The following MADD variants were observed in gnomAD, a reference collection of about 807,000 sequenced individuals.
MADD encodes MAP kinase activating death domain, also known as MAP kinase-activating death domain protein.
Under a neutral mutation model 176.7 loss-of-function variants are expected in MADD, and 109 were observed. The ratio of observed to expected loss-of-function variants is 0.62; its 90% CI spans 0.53 to 0.72. The LOEUF is 0.72. MADD is among the 30% of genes least tolerant of loss of function. The probability of loss-of-function intolerance (pLI) is 0.00; values close to 1 mark genes in which losing one functional copy is unlikely to be tolerated. For synonymous variants in MADD, 771 were observed against 771.3 expected, an observed-to-expected ratio of 1.00 and a Z score of 0.01; for missense variants, 1,914 against 2,045.5, an observed-to-expected ratio of 0.94 and a Z score of 1.24.
intron 23 of MADD, 51 bp downstream of exon 26, chr11:47,309,093 C>A: frequency 6.3e-7 from 1 of 1,579,632 alleles, no homozygotes; most frequent in Non-Finnish European, 8.7e-7. Flanking sequence ...TTGGGAGGGA[C>A]TGGGCCTTAC....
intron 27 of MADD, among the ~76,000 whole-genome samples, chr11:47,316,275 A>G (rs545927009): frequency 6.6e-6 from 1 of 151,892 alleles, no homozygotes; most frequent in African/African-American, 2.4e-5. Context: ...TCTTGCACTC[A>G]TTCTTGTCCC....
chr11:47,321,962 C>T (rs1375820735), intron 27 of MADD, among the ~76,000 whole-genome samples: 1 of 151,782 alleles, frequency 6.6e-6, no homozygotes, highest in African/African-American at 2.4e-5. Flanking sequence ...AGCTCAGGAG[C>T]TCAGGAAGAG....
At chr11:47,296,762 T>TTG (rs1363735568) in intron 22 of MADD, among the ~76,000 whole-genome samples, 1 of 134,460 alleles carries the variant, frequency 7.4e-6, no homozygotes, top group East Asian at 2.4e-4. Flanking sequence ...CTGTTTTTTG[T>TTG]TGTTTTTTTT....
At chr11:47,283,988 A>G (rs1278970969) in intron 10 of MADD, among the ~76,000 whole-genome samples, 190 bp from the exon 11 acceptor site, 2 of 152,268 alleles carry the variant, frequency 1.3e-5, no homozygotes, top group Non-Finnish European at 1.5e-5. Flanking sequence ...GATTACAGGC[A>G]TGGGCCACTG....
rs754306401 is a variant in MADD, at chr11:47,327,780, G to A, written c.4613-878G>A. On this transcript the variant is annotated intron_variant, in intron 31 of 32. Transcript: ENST00000402192. ...ACCTCCCAGGGTCAGAAGAAGGTAC[G>A]GCCAATTCTCCTCCTGCCTTTTCTG... 1.0e-5 allele frequency: 10 copies of A among 985,296 alleles called. No homozygotes were observed. In the Admixed American group the frequency reaches 1.8e-4, roughly 18 times the overall value. 61.0% of individuals were successfully genotyped at this position (985,296 alleles called of 1,614,324 possible).
intron 22 of MADD, among the ~76,000 whole-genome samples, chr11:47,298,135 C>T (rs950207491): frequency 5.9e-5 from 9 of 152,148 alleles, no homozygotes; most frequent in South Asian, 2.1e-4. Context: ...AACCATGGAT[C>T]GTAAAAATTA....
At chr11:47,295,505 C>G (rs776946241) in exon 21 of MADD, 8 of 1,613,840 alleles carry the variant, frequency 5.0e-6, no homozygotes, top group Non-Finnish European at 6.8e-6. Context: ...GAGGACTGAT[C>G]AAGACTCTGT....
At chr11:47,309,539 G>C in exon 25 of MADD, 1 of 1,614,206 alleles carries the variant, frequency 6.2e-7, no homozygotes, top group Non-Finnish European at 8.5e-7. Flanking sequence ...GACCGGAAGC[G>C]CCTGGAAGAT....
At chr11:47,275,303 T>G in intron 3 of MADD, 144 bp downstream of exon 3, 1 of 803,248 alleles carries the variant, frequency 1.2e-6, no homozygotes, top group South Asian at 1.7e-5. Context: ...GTTAATCTTT[T>G]TTCTTTTGGA....
chr11:47,302,492 G>T (rs191184584), intron 22 of MADD, among the ~76,000 whole-genome samples: 1 of 152,218 alleles, frequency 6.6e-6, no homozygotes, highest in East Asian at 1.9e-4. Context: ...GATTACAGGC[G>T]TGAGCCACCG....
exon 15 of MADD, chr11:47,286,474 A>G (rs2060728683): frequency 1.9e-6 from 3 of 1,613,982 alleles, no homozygotes; most frequent in East Asian, 4.5e-5. Context: ...CAGTCTTTCA[A>G]ACCTCACACT....
chr11:47,287,121 C>G (rs1350476352), intron 15 of MADD, among the ~76,000 whole-genome samples: 1 of 152,142 alleles, frequency 6.6e-6, no homozygotes, highest in African/African-American at 2.4e-5. Flanking sequence ...GTCAGGAGTT[C>G]GAGACCAGAC....
chr11:47,295,811 T>C, intron 21 of MADD, 86 bp from the exon 24 acceptor site: 1 of 1,534,268 alleles, frequency 6.5e-7, no homozygotes, highest in Non-Finnish European at 8.7e-7. Context: ...TTAATACTTT[T>C]TTATGGTGGC....
intron 22 of MADD, among the ~76,000 whole-genome samples, chr11:47,299,838 A>G (rs1000065232): frequency 6.6e-6 from 1 of 152,080 alleles, no homozygotes; most frequent in African/African-American, 2.4e-5. Context: ...GCCTAATTTT[A>G]GGGACAGTTT....
intron 27 of MADD, among the ~76,000 whole-genome samples, chr11:47,316,143 T>C (rs995597933): frequency 6.8e-6 from 1 of 148,018 alleles, no homozygotes; most frequent in Non-Finnish European, 1.5e-5. Context: ...GCCCCATTTC[T>C]TTTATACACG....
intron 19 of MADD, among the ~76,000 whole-genome samples, chr11:47,291,056 C>T (rs1330957042): frequency 6.6e-6 from 1 of 152,036 alleles, no homozygotes; most frequent in Non-Finnish European, 1.5e-5. Context: ...TTAGAGGGCC[C>T]AATGAGGCTT....
At chr11:47,281,844 G>C (rs1456375695) in intron 8 of MADD, 91 bp downstream of exon 8, 1 of 337,700 alleles carries the variant, frequency 3.0e-6, no homozygotes, top group Non-Finnish European at 4.0e-6. Context: ...CTCTGAACCA[G>C]GGTTCCTTTT....
At chr11:47,295,361 CAA>C in intron 20 of MADD, 133 bp from the exon 23 acceptor site, 1 of 664,006 alleles carries the variant, frequency 1.5e-6, no homozygotes, top group East Asian at 2.8e-5. Flanking sequence ...ATTCTGGAAA[CAA>C]AAGTTGCTCG....
At position 47,327,069 on chromosome 11, in the gene MADD, G is replaced by A. The variant is rs1224627129; in HGVS notation, c.4612+262G>A. On this transcript the variant is annotated intron_variant, in intron 31 of 32. Transcript: ENST00000402192. The stretch of plus-strand genomic sequence containing the variant: ...GGTGGTCCTGAAGCAGCTCAGTGAA[G>A]TAGCACCACCTCCCCGTGCTGGGCC... The A allele has an allele frequency of 4.1e-6, 5 of 1,206,764 alleles. No individual in the cohort carries two copies. The East Asian group carries it at 1.5e-4, about 37-fold the overall frequency. The allele number at this position is 1,206,764 out of a possible 1,614,324, so 74.8% of individuals were successfully genotyped here.
Sources: gnomAD v4.1 joint callset for allele counts (sites outside exome capture counted in the v4.1 genomes callset) on GRCh38, gnomAD v4.1.1 for gene constraint, MANE v1.5 for transcripts, NCBI Gene and HGNC (gene_info 2026-07-23, HGNC 2026-07-21) for gene names.